The following NOL10 variants were observed in gnomAD, a reference collection of about 807,000 sequenced individuals.
The protein encoded by NOL10 is H_NH0074G24.1.
NOL10 carries 58 observed loss-of-function variants against 103.5 expected under a neutral mutation model. That is an observed-to-expected ratio of 0.56 (90% CI 0.45 to 0.70). The LOEUF is 0.70. Among genes scored for constraint, NOL10 ranks in the 30% least tolerant of loss-of-function variants. The pLI is 0.00. For synonymous variants in NOL10, 287 were observed against 282.5 expected, an observed-to-expected ratio of 1.02 and a Z score of -0.16; for missense variants, 763 against 807.3, an observed-to-expected ratio of 0.95 and a Z score of 0.67.
At chr2:10,668,787 AT>A in intron 6 of NOL10, 64 bp from the exon 7 acceptor site, 1 of 649,130 alleles carries the variant, frequency 1.5e-6, no homozygotes. Flanking sequence ...GTAAATATAA[AT>A]TTTATAAATA....
At chr2:10,671,404 CTTTTCTTT>C in intron 6 of NOL10, 142 bp downstream of exon 6, 8 of 656,038 alleles carry the variant, frequency 1.2e-5, no homozygotes, top group African/African-American at 1.1e-4. Flanking sequence ...CCTGTGTTTT[CTTTTCTTT>C]TTTTTTTTTT....
At chr2:10,666,295 T>C (rs1680561939) in intron 8 of NOL10, among the ~76,000 whole-genome samples, 1 of 152,108 alleles carries the variant, frequency 6.6e-6, no homozygotes, top group African/African-American at 2.4e-5. Context: ...ATTCCATCCA[T>C]ATGAAACTGG....
rs769917023 is a variant in NOL10, at chr2:10,671,646, T to C, written c.372A>G (p.Gln124=). The C allele has an allele frequency of 4.4e-6, 7 of 1,582,668 alleles. No homozygotes were observed. The highest frequency in any genetic ancestry group is 1.1e-5 in the South Asian group (1 of 87,046). ...HNDRYIEFHS[Q]SGFYYKTRIP... ...TTCTGGTTTTGTAGTAAAAACCTGA[T>C]TGCGAATGAAATTCAATGTATCTAT... is the stretch of plus-strand genomic sequence containing the variant. The change falls in exon 6 of 21, where the codon CAA becomes CAG. Residue 124 remains glutamine, a synonymous_variant. Transcript: ENST00000381685.
At chr2:10,658,274 C>G (rs1035213971) in intron 10 of NOL10, among the ~76,000 whole-genome samples, 4 of 152,144 alleles carry the variant, frequency 2.6e-5, no homozygotes, top group Admixed American at 2.0e-4. Flanking sequence ...TAGATCAAGA[C>G]AGATGGTGGT....
intron 13 of NOL10, among the ~76,000 whole-genome samples, chr2:10,635,691 AG>A (rs1678164768): frequency 6.6e-6 from 1 of 152,182 alleles, no homozygotes; most frequent in Admixed American, 6.5e-5. Context: ...TAAGCTCACA[AG>A]GGCGGTGAGT....
At chr2:10,584,677 A>G (rs562712663) in intron 19 of NOL10, among the ~76,000 whole-genome samples, 2 of 152,292 alleles carry the variant, frequency 1.3e-5, no homozygotes, top group Admixed American at 1.3e-4. Flanking sequence ...TCATGTAAAT[A>G]TTATCACTTA....
At position 10,589,758 on chromosome 2, in the gene NOL10, G is replaced by A; in HGVS notation, c.1423-7C>T. On this transcript the variant is annotated splice_polypyrimidine_tract_variant and splice_region_variant and intron_variant, in intron 17 of 20. Transcript: ENST00000381685. ...TGAGAATATTAGGAAGACTCTACAA[G>A]GAGGAAAAAGTACGTAAAAATTTAA... The A allele has an allele frequency of 6.8e-7, 1 of 1,462,224 alleles. No individual in the cohort carries two copies. Among genetic ancestry groups the A allele is most frequent in the Non-Finnish European group, 9.0e-7 (1 of 1,105,780 alleles). 90.6% of individuals were successfully genotyped at this position (1,462,224 alleles called of 1,614,324 possible). A position where few individuals can be genotyped will look rare whatever the true frequency, so the allele number is the denominator to read the frequency against.
chr2:10,686,274 G>A (rs1250965297), intron 1 of NOL10, among the ~76,000 whole-genome samples: 4 of 152,150 alleles, frequency 2.6e-5, no homozygotes, highest in Non-Finnish European at 5.9e-5. Flanking sequence ...GACCTGAAAG[G>A]CATGAGGAGG....
At chr2:10,648,878 T>C (rs1679268103) in intron 12 of NOL10, among the ~76,000 whole-genome samples, 1 of 151,998 alleles carries the variant, frequency 6.6e-6, no homozygotes, top group Admixed American at 6.6e-5. Flanking sequence ...GGGACTATAC[T>C]GGATTGAAAG....
At chr2:10,681,463 T>C (rs952574684) in intron 3 of NOL10, among the ~76,000 whole-genome samples, 5 of 152,186 alleles carry the variant, frequency 3.3e-5, no homozygotes, top group African/African-American at 1.2e-4. Flanking sequence ...TGTCTCTGCA[T>C]GGGTGGGAGA....
At chr2:10,644,593 T>C (rs893776063) in intron 12 of NOL10, among the ~76,000 whole-genome samples, 1 of 152,126 alleles carries the variant, frequency 6.6e-6, no homozygotes, top group Non-Finnish European at 1.5e-5. Flanking sequence ...TTCCTAACTT[T>C]TACAAAACTG....
At chr2:10,675,227 A>T (rs922015977) in intron 4 of NOL10, among the ~76,000 whole-genome samples, 2 of 152,008 alleles carry the variant, frequency 1.3e-5, no homozygotes, top group Non-Finnish European at 2.9e-5. Context: ...AATAAATAAA[A>T]GAAAGAAAAG....
At chr2:10,667,349 A>T in intron 7 of NOL10, 71 bp from the exon 8 acceptor site, 3 of 1,116,434 alleles carry the variant, frequency 2.7e-6, no homozygotes, top group Non-Finnish European at 4.0e-6. Context: ...AATATTAAAT[A>T]AATAAACAGT....
chr2:10,620,793 T>TTTG (rs978524339), intron 13 of NOL10, among the ~76,000 whole-genome samples: 42 of 152,200 alleles, frequency 2.8e-4, no homozygotes, highest in East Asian at 9.6e-4. Flanking sequence ...ACTGTTGATT[T>TTTG]TTGTTGTTGT....
At chr2:10,605,461 CA>C (rs1233720131) in intron 14 of NOL10, among the ~76,000 whole-genome samples, 2 of 152,098 alleles carry the variant, frequency 1.3e-5, no homozygotes, top group Non-Finnish European at 2.9e-5. Flanking sequence ...CATTTGACAT[CA>C]AAAGATATTA....
chr2:10,664,271 A>G (rs557006941), intron 8 of NOL10, among the ~76,000 whole-genome samples: 1 of 152,170 alleles, frequency 6.6e-6, no homozygotes, highest in Non-Finnish European at 1.5e-5. Context: ...TCTACTAAAA[A>G]TACAAAATTA....
intron 13 of NOL10, among the ~76,000 whole-genome samples, chr2:10,608,777 T>A (rs560438153): frequency 1.3e-5 from 2 of 152,298 alleles, no homozygotes; most frequent in South Asian, 4.1e-4. Flanking sequence ...AGTGACATTA[T>A]TTTGCCGGAT....
intron 12 of NOL10, among the ~76,000 whole-genome samples, chr2:10,650,789 A>C (rs1381651338): frequency 6.6e-6 from 1 of 152,130 alleles, no homozygotes; most frequent in Non-Finnish European, 1.5e-5. Context: ...CAGGCGAAAA[A>C]ATAAAATCAG....
intron 19 of NOL10, 66 bp from the exon 20 acceptor site, chr2:10,577,804 G>A (rs1198757170): frequency 3.7e-6 from 4 of 1,079,490 alleles, no homozygotes; most frequent in African/African-American, 3.1e-5. Context: ...TTTGAAACAA[G>A]TTTTGATTAG....
Sources: allele counts gnomAD v4.1 joint callset (sites outside exome capture counted in the v4.1 genomes callset), GRCh38; gene constraint gnomAD v4.1.1; transcripts MANE v1.5; gene names NCBI Gene and HGNC (gene_info 2026-07-23, HGNC 2026-07-21).